Variants in SLC22A23 observed in about 807,000 individuals in gnomAD.
SLC22A23 encodes the protein ion transporter protein.
SLC22A23 carries 26 observed loss-of-function variants against 61.0 expected under a neutral mutation model. The ratio of observed to expected loss-of-function variants is 0.43; its 90% confidence interval spans 0.31 to 0.59. SLC22A23 has a LOEUF of 0.59. Ranked by LOEUF, SLC22A23 falls within the 20% of genes least tolerant of loss-of-function variation. The pLI is 0.11. For missense variants in SLC22A23, 796 were observed against 934.7 expected, an observed-to-expected ratio of 0.85 and a Z score of 1.94; for synonymous variants, 430 against 413.9, an observed-to-expected ratio of 1.04 and a Z score of -0.47.
chr6:3,426,669 CTTTT>C (rs369397136), intron 1 of SLC22A23, among the ~76,000 whole-genome samples: 1 of 151,540 alleles, frequency 6.6e-6, no homozygotes, highest in African/African-American at 2.4e-5. Flanking sequence ...CTTTCTTTCT[CTTTT>C]TTTTTCTTGC....
chr6:3,445,459 C>T (rs373515693), intron 1 of SLC22A23, among the ~76,000 whole-genome samples: 115 of 152,348 alleles, frequency 7.5e-4, no homozygotes, highest in African/African-American at 2.5e-3. Context: ...CTCGGCCTCC[C>T]GAAGTGCTGG....
At chr6:3,367,171 T>A (rs1489859288) in intron 3 of SLC22A23, among the ~76,000 whole-genome samples, 1 of 152,212 alleles carries the variant, frequency 6.6e-6, no homozygotes, top group Non-Finnish European at 1.5e-5. Flanking sequence ...GCTTTCTGCT[T>A]CCCTGAGGTT....
At position 3,318,246 on chromosome 6, in the gene SLC22A23, G is replaced by A. The variant is rs997757561; in HGVS notation, c.1082+5588C>T. Among the ~76,000 whole-genome samples the A allele has an allele frequency of 2.0e-5, 3 of 152,168 alleles. No homozygotes were observed. The highest frequency in any genetic ancestry group is 4.8e-5 in the African/African-American group (2 of 41,432). ...GAGCCTTGCTGATTCCAGAGAGGCT[G>A]CTCCTCCCAGGGTTCGCTAATTCCT... On this transcript the variant is annotated intron_variant, in intron 4 of 9. Coordinates refer to ENST00000406686, the MANE Select transcript of SLC22A23 (RefSeq NM_015482.2). This position sits in a 1 kb window ranked among gnomAD's most constrained non-coding sequence, Gnocchi z 4.3.
In SLC22A23 at chr6:3,308,812, G is replaced by A. The variant is rs9378779; in HGVS notation, c.1083-10594C>T. Reference sequence around the variant, plus strand: ...ACAGAAATTAGCCAAGCATGGTGGCGCAGGCCTGTAATCCCAGCTACTCAG... The same window carrying A: ...ACAGAAATTAGCCAAGCATGGTGGCACAGGCCTGTAATCCCAGCTACTCAG... On this transcript the variant is annotated intron_variant, in intron 4 of 9. Coordinates refer to ENST00000406686, the MANE Select transcript of SLC22A23 (RefSeq NM_015482.2). The surrounding 1 kb of genome is among the most constrained non-coding windows in gnomAD (Gnocchi z 5.1). 0.1 allele frequency among the ~76,000 whole-genome samples: 15,905 copies of A among 151,790 alleles called. 1,056 individuals are homozygous for A. Among genetic ancestry groups the A allele is most frequent in the East Asian group, 0.23 (1,201 of 5,128 alleles).
chr6:3,404,979 G>A (rs527273636), intron 3 of SLC22A23, among the ~76,000 whole-genome samples: 13 of 151,782 alleles, frequency 8.6e-5, no homozygotes, highest in African/African-American at 2.7e-4. Flanking sequence ...AAGATTTGTC[G>A]GCCAGGTGCG....
chr6:3,269,074 T>C lies in SLC22A23; in HGVS notation c.*3981A>G, dbSNP rs1327762607. The C allele has an allele frequency of 6.6e-6, 1 of 152,322 alleles. No homozygotes were observed. Among genetic ancestry groups the C allele is most frequent in the East Asian group, 1.9e-4 (1 of 5,340 alleles). The allele number at this position is 152,322 out of a possible 1,614,324, so 9.4% of individuals were successfully genotyped here. A position where few individuals can be genotyped will look rare whatever the true frequency, so the allele number is the denominator to read the frequency against. On this transcript the variant is annotated 3_prime_UTR_variant, in exon 10 of 10. Coordinates refer to ENST00000406686, the MANE Select transcript of SLC22A23 (RefSeq NM_015482.2). ...CCAGTCTTTCCTCACAGAATCACAG[T>C]GTAAGATATTCATTTCTTGACGTCT...
In SLC22A23 at chr6:3,273,145, C is replaced by T. The variant is rs1758586245; in HGVS notation, c.1971G>A (p.Glu657=). Residue 657 remains glutamate (E), a synonymous_variant, in exon 10 of 10, where the codon GAG becomes GAA. Transcript: ENST00000406686. ...GEQPLLLTNA[E]LKDYSGLHDA... is the part of the protein sequence containing the mutation. ...CGTGGAGGCCCGAGTAGTCCTTGAG[C>T]TCGGCGTTGGTGAGCAGCAGTGGCT... The T allele has an allele frequency of 1.2e-6, 2 of 1,611,020 alleles. No individual in the cohort carries two copies. Among genetic ancestry groups the T allele is most frequent in the Non-Finnish European group, 1.7e-6 (2 of 1,179,798 alleles).
At chr6:3,280,814 AAAG>A (rs1759405467) in intron 9 of SLC22A23, among the ~76,000 whole-genome samples, 1 of 152,084 alleles carries the variant, frequency 6.6e-6, no homozygotes, top group African/African-American at 2.4e-5. Context: ...ACAACTTTTT[AAAG>A]AAGTTGAACA....
Position 3,415,780 on chromosome 6 carries a change from A to G in SLC22A23, c.730T>C (p.Tyr244His). 1 of 1,551,862 alleles carries G rather than the reference A, an allele frequency of 6.4e-7. No individual in the cohort carries two copies. The highest frequency in any genetic ancestry group is 8.7e-7 in the Non-Finnish European group (1 of 1,146,928). ...TCAGCAATGCATCCAGTTATTAGGTAGCCAAAGATTAATCCAACCAGTAAG... is the reference window on the plus strand; with the variant it reads ...TCAGCAATGCATCCAGTTATTAGGTGGCCAAAGATTAATCCAACCAGTAAG... ...FSLLVGLIFG[Y>H]LITGCIADWV... The change falls in exon 2 of 10, where the codon TAC (tyrosine) becomes CAC (histidine). Residue 244 changes from tyrosine (Y) to histidine (H), a missense_variant. Tyr to His is a moderately conservative substitution (Grantham distance 83). Transcript: ENST00000406686.
At chr6:3,391,999 T>C (rs1767695303) in intron 3 of SLC22A23, among the ~76,000 whole-genome samples, 1 of 151,890 alleles carries the variant, frequency 6.6e-6, no homozygotes, top group Non-Finnish European at 1.5e-5. Context: ...TAGCATGGAC[T>C]GCAGTAGCAT....
intron 2 of SLC22A23, 135 bp downstream of exon 2, chr6:3,415,617 C>G: frequency 1.6e-6 from 1 of 621,386 alleles, no homozygotes; most frequent in Non-Finnish European, 2.9e-6. Flanking sequence ...GCATTCTCCA[C>G]GTGGCAGCTT....
chr6:3,410,152 A>G lies in SLC22A23; in HGVS notation c.913+36T>C. On this transcript the variant is annotated intron_variant, in intron 3 of 9. Coordinates refer to ENST00000406686, the MANE Select transcript of SLC22A23 (RefSeq NM_015482.2). This position sits in a 1 kb window ranked among gnomAD's most constrained non-coding sequence, Gnocchi z 5.0. ...TCCCAGGCAACAATACTTTTGCTAA[A>G]TTCTTTCAAGACTAGTCGTGAAGGC... 6.3e-7 allele frequency: 1 copy of G among 1,577,640 alleles called. No homozygotes were observed. Among genetic ancestry groups the G allele is most frequent in the South Asian group, 1.2e-5 (1 of 85,030 alleles).
Position 3,456,635 on chromosome 6 carries a change from CGGGCCAGGCGCCT to C in SLC22A23, c.-89_-77del. Reference sequence around the variant, plus strand: ...CGCGGGCGCCCCGGGCACAGCGCGCCGGGCCAGGCGCCTGCAGCCGCTGCCGCCGAGGAGGGCC... The same window carrying C: ...CGCGGGCGCCCCGGGCACAGCGCGCCGCAGCCGCTGCCGCCGAGGAGGGCC... On this transcript the variant is annotated 5_prime_UTR_variant, in exon 1 of 10. Transcript: ENST00000406686. This position sits in a 1 kb window ranked among gnomAD's most constrained non-coding sequence, Gnocchi z 7.1. 1.1e-6 allele frequency: 1 copy of C among 917,592 alleles called. No individual in the cohort carries two copies. The highest frequency in any genetic ancestry group is 1.8e-5 in the African/African-American group (1 of 55,500). 56.8% of individuals were successfully genotyped at this position (917,592 alleles called of 1,614,324 possible). A position where few individuals can be genotyped will look rare whatever the true frequency, so the allele number is the denominator to read the frequency against.
At chr6:3,393,179 C>A (rs1442985878) in intron 3 of SLC22A23, among the ~76,000 whole-genome samples, 1 of 152,132 alleles carries the variant, frequency 6.6e-6, no homozygotes, top group Non-Finnish European at 1.5e-5. Flanking sequence ...GGAATTCCAC[C>A]TGAGCAGCGG....
At chr6:3,288,340 C>T (rs1760247864) in intron 6 of SLC22A23, among the ~76,000 whole-genome samples, 2 of 152,232 alleles carry the variant, frequency 1.3e-5, no homozygotes, top group African/African-American at 4.8e-5. Flanking sequence ...GAGAATGCAT[C>T]AAGGTCAACT....
chr6:3,352,469 G>A (rs560633559), intron 3 of SLC22A23, among the ~76,000 whole-genome samples: 5 of 151,904 alleles, frequency 3.3e-5, no homozygotes, highest in Admixed American at 6.6e-5. Context: ...TCACATACAC[G>A]GCCACATACA....
intron 4 of SLC22A23, among the ~76,000 whole-genome samples, chr6:3,311,119 G>T (rs956130475): frequency 1.1e-4 from 16 of 152,230 alleles, no homozygotes; most frequent in Non-Finnish European, 2.4e-4. Context: ...GCCCCAAGGA[G>T]CTCACTGTCT....
At chr6:3,448,726 C>A (rs1772034231) in intron 1 of SLC22A23, among the ~76,000 whole-genome samples, 1 of 152,128 alleles carries the variant, frequency 6.6e-6, no homozygotes, top group African/African-American at 2.4e-5. Flanking sequence ...GAACTCCTGA[C>A]CTCGTGATCC....
At position 3,342,168 on chromosome 6, in the gene SLC22A23, G is replaced by A. The variant is rs1395639212; in HGVS notation, c.914-18166C>T. 6.6e-6 allele frequency among the ~76,000 whole-genome samples: 1 copy of A among 152,132 alleles called. No homozygotes were observed. Among genetic ancestry groups the A allele is most frequent in the Admixed American group, 6.5e-5 (1 of 15,272 alleles). ...GTTTAAATTTTAGGTGTGTCTGCGT[G>A]AAAATGAAAACTTATTCTCAGTTAC... On this transcript the variant is annotated intron_variant, in intron 3 of 9. Transcript: ENST00000406686. The surrounding 1 kb of genome is among the most constrained non-coding windows in gnomAD (Gnocchi z 4.0).
Sources: allele counts gnomAD v4.1 joint callset (sites outside exome capture counted in the v4.1 genomes callset), GRCh38; gene constraint gnomAD v4.1.1; non-coding constraint Gnocchi (gnomAD v3.1); transcripts MANE v1.5; gene names NCBI Gene and HGNC (gene_info 2026-07-23, HGNC 2026-07-21).